Variants in SLC4A4 observed in about 807,000 individuals in gnomAD.
The protein encoded by SLC4A4 is electrogenic sodium bicarbonate cotransporter 1.
In SLC4A4, 27 loss-of-function variants were observed where a neutral mutation model predicts 111.5. The ratio of observed to expected loss-of-function variants is 0.24; its 90% confidence interval spans 0.18 to 0.33. The LOEUF is 0.33. Among genes scored for constraint, SLC4A4 ranks in the 10% least tolerant of loss-of-function variants. The probability of loss-of-function intolerance (pLI) is 1.00; values close to 1 mark genes in which losing one functional copy is unlikely to be tolerated. For synonymous variants in SLC4A4, 443 were observed against 463.4 expected, an observed-to-expected ratio of 0.96 and a Z score of 0.57; for missense variants, 909 against 1,315.5, an observed-to-expected ratio of 0.69 and a Z score of 4.78.
At chr4:71,525,429 C>T (rs191909304) in intron 16 of SLC4A4, among the ~76,000 whole-genome samples, 86 of 152,188 alleles carry the variant, frequency 5.7e-4, no homozygotes, top group African/African-American at 1.9e-3. Flanking sequence ...CTTCTCTTTC[C>T]GTCTTTCATA....
intron 1 of SLC4A4, among the ~76,000 whole-genome samples, chr4:71,066,534 T>C: frequency 6.6e-6 from 1 of 152,184 alleles, no homozygotes; most frequent in East Asian, 1.9e-4. Context: ...ATAAGAAGTT[T>C]TTGATTCATA....
chr4:71,266,842 C>A (rs1231474478), intron 3 of SLC4A4, among the ~76,000 whole-genome samples: 1 of 152,158 alleles, frequency 6.6e-6, no homozygotes, highest in African/African-American at 2.4e-5. Context: ...CACTTTAATC[C>A]AATCTAAGAA....
At chr4:71,124,935 T>A (rs960553530) in intron 2 of SLC4A4, among the ~76,000 whole-genome samples, 2 of 152,234 alleles carry the variant, frequency 1.3e-5, no homozygotes, top group African/African-American at 4.8e-5. Context: ...TAATGTTTCC[T>A]ACACAGATAT....
chr4:71,277,686 C>T (rs1407355836), intron 3 of SLC4A4, among the ~76,000 whole-genome samples: 5 of 150,712 alleles, frequency 3.3e-5, no homozygotes, highest in East Asian at 3.9e-4. Flanking sequence ...CTTTTTCTCT[C>T]GCTCTGTCTT....
At chr4:71,216,759 T>C (rs2149017393) in intron 1 of SLC4A4, among the ~76,000 whole-genome samples, 1 of 152,296 alleles carries the variant, frequency 6.6e-6, no homozygotes, top group East Asian at 1.9e-4. Flanking sequence ...TTGCTAGTAA[T>C]GTGACCGTCA....
At chr4:71,322,627 G>A (rs951903430) in intron 3 of SLC4A4, among the ~76,000 whole-genome samples, 3 of 151,992 alleles carry the variant, frequency 2.0e-5, no homozygotes, top group Admixed American at 6.6e-5. Flanking sequence ...AAATGCTGAT[G>A]TGTTCACTCT....
chr4:71,124,417 C>G (rs556979173), intron 2 of SLC4A4, among the ~76,000 whole-genome samples: 2 of 152,030 alleles, frequency 1.3e-5, no homozygotes, highest in East Asian at 3.9e-4. Flanking sequence ...TGATCCACCC[C>G]CCTCGACCTC....
intron 2 of SLC4A4, among the ~76,000 whole-genome samples, chr4:71,158,103 G>C (rs1293259668): frequency 9.7e-6 from 1 of 102,642 alleles, no homozygotes; most frequent in African/African-American, 3.7e-5. Flanking sequence ...GACTCTGTGT[G>C]TGTGTGTGTG....
At chr4:71,292,842 G>GTTTTT (rs869195687) in intron 3 of SLC4A4, among the ~76,000 whole-genome samples, 6 of 110,180 alleles carry the variant, frequency 5.4e-5, no homozygotes, top group South Asian at 3.3e-4. Context: ...GGTTTTTTTT[G>GTTTTT]TTTTTTTTTT....
intron 20 of SLC4A4, among the ~76,000 whole-genome samples, chr4:71,553,215 AC>A (rs763778348): frequency 6.6e-6 from 1 of 151,914 alleles, no homozygotes; most frequent in Non-Finnish European, 1.5e-5. Flanking sequence ...TGTTTAAAAA[AC>A]ATCTTCATAT....
chr4:71,550,549 C>G (rs1418280122), intron 20 of SLC4A4, among the ~76,000 whole-genome samples: 1 of 151,844 alleles, frequency 6.6e-6, no homozygotes, highest in African/African-American at 2.4e-5. Context: ...CTTTTTTCCT[C>G]CCCTTTGTGA....
chr4:71,309,285 T>C (rs1310360124), intron 3 of SLC4A4, among the ~76,000 whole-genome samples: 1 of 152,114 alleles, frequency 6.6e-6, no homozygotes, highest in Admixed American at 6.5e-5. Context: ...TGGGTGCAGC[T>C]TCAGTGGACT....
intron 7 of SLC4A4, among the ~76,000 whole-genome samples, chr4:71,406,540 C>T (rs968014446): frequency 2.6e-5 from 4 of 152,040 alleles, no homozygotes; most frequent in African/African-American, 9.7e-5. Flanking sequence ...AGCAGAATCT[C>T]ATGACCTTAT....
At chr4:71,064,967 C>T (rs569550245) in intron 1 of SLC4A4, among the ~76,000 whole-genome samples, 4 of 152,130 alleles carry the variant, frequency 2.6e-5, no homozygotes, top group Non-Finnish European at 5.9e-5. Context: ...TGTTTATTGC[C>T]TCCTCTTCTG....
intron 14 of SLC4A4, among the ~76,000 whole-genome samples, chr4:71,485,790 C>T (rs1247776297): frequency 6.6e-6 from 1 of 151,278 alleles, no homozygotes; most frequent in Admixed American, 6.6e-5. Context: ...CATTTTTAGT[C>T]ATGAAATGCC....
chr4:71,079,463 G>A (rs980052897), intron 1 of SLC4A4, among the ~76,000 whole-genome samples: 1 of 152,126 alleles, frequency 6.6e-6, no homozygotes, highest in African/African-American at 2.4e-5. Flanking sequence ...ATGATGACAG[G>A]ATTCAAATTT....
intron 2 of SLC4A4, among the ~76,000 whole-genome samples, chr4:71,164,756 G>A (rs1187598070): frequency 1.3e-5 from 2 of 152,096 alleles, no homozygotes; most frequent in African/African-American, 4.8e-5. Flanking sequence ...TATCATCAGA[G>A]CGAACAGGCA....
intron 1 of SLC4A4, among the ~76,000 whole-genome samples, chr4:71,191,022 TATTCA>T (rs1015696823): frequency 6.6e-6 from 1 of 152,244 alleles, no homozygotes; most frequent in African/African-American, 2.4e-5. Flanking sequence ...TTCAGTACAG[TATTCA>T]ATTAATTACA....
intron 6 of SLC4A4, among the ~76,000 whole-genome samples, chr4:71,384,504 C>A (rs1271945053): frequency 6.6e-6 from 1 of 151,944 alleles, no homozygotes; most frequent in South Asian, 2.1e-4. Context: ...AATTGAATGG[C>A]CTTTTCCCAA....
Sources: allele counts gnomAD v4.1 joint callset (sites outside exome capture counted in the v4.1 genomes callset), GRCh38; gene constraint gnomAD v4.1.1; transcripts MANE v1.5; gene names NCBI Gene and HGNC (gene_info 2026-07-23, HGNC 2026-07-21).